The following RACGAP1 variants were observed in gnomAD, a reference collection of about 807,000 sequenced individuals.
RACGAP1 encodes the protein rac GTPase-activating protein 1.
RACGAP1 carries 30 observed loss-of-function variants against 78.1 expected under a neutral mutation model. The ratio of observed to expected loss-of-function variants is 0.38; its 90% CI spans 0.29 to 0.52. The LOEUF is 0.52. Among genes scored for constraint, RACGAP1 ranks in the 20% least tolerant of loss-of-function variants. The pLI, the probability that RACGAP1 is intolerant of heterozygous loss-of-function variation, is 0.82. For synonymous variants in RACGAP1, 231 were observed against 264.8 expected, an observed-to-expected ratio of 0.87 and a Z score of 1.24; for missense variants, 587 against 777.1, an observed-to-expected ratio of 0.76 and a Z score of 2.91.
chr12:50,020,932 A>G (rs1300024337), intron 1 of RACGAP1: 1 of 175,638 alleles, frequency 5.7e-6, no homozygotes, highest in Non-Finnish European at 1.1e-5. Context: ...AGGGGACCAT[A>G]TATTTTTATT....
chr12:49,991,913 C>A, intron 15 of RACGAP1, 85 bp downstream of exon 15: 1 of 1,550,236 alleles, frequency 6.5e-7, no homozygotes, highest in East Asian at 2.3e-5. Flanking sequence ...AATTTTCAAA[C>A]AGCTCTAGCA....
At chr12:50,031,209 G>T (rs1330211460) in intron 2 of RACGAP1, among the ~76,000 whole-genome samples, 3 of 151,616 alleles carry the variant, frequency 2.0e-5, no homozygotes, top group Non-Finnish European at 4.4e-5. Flanking sequence ...GTGCGCGGTG[G>T]CTCACACCTG....
Position 50,016,640 on chromosome 12 carries a change from T to G in RACGAP1, c.76A>C (p.Asn26His), listed in dbSNP as rs1164573098. 2 of 1,613,718 alleles carry G rather than the reference T, an allele frequency of 1.2e-6. No individual in the cohort carries two copies. The highest frequency in any genetic ancestry group is 1.7e-6 in the Non-Finnish European group (2 of 1,179,894). ...GCTCAGAATGACTTACGGACTTCAT[T>G]TCCTTCACTGAGAATCTCCACCCGG... ...VRRVEILSEGNEVQFIQLAKD... is the reference protein window; with the variant it reads ...VRRVEILSEGHEVQFIQLAKD... The change falls in exon 2 of 17, where the codon AAT becomes CAT. Residue 26 changes from asparagine to histidine, a missense_variant. Transcript: ENST00000312377.
Position 49,999,263 on chromosome 12 carries a change from G to C in RACGAP1, c.757C>G (p.Gln253Glu). ...AGGGTGGAGTCACTGTTCCAAGGTT[G>C]TAAAGTACCTAGAAAACAAGCAACT... is the stretch of plus-strand genomic sequence containing the variant. ...TRSRRKTGTLQPWNSDSTLNS... is the reference protein window; with the variant it reads ...TRSRRKTGTLEPWNSDSTLNS... The change falls in exon 9 of 17, where the codon CAA becomes GAA. Residue 253 changes from glutamine to glutamate, a missense_variant. Gln to Glu is a conservative substitution (Grantham distance 29). Coordinates refer to ENST00000312377, the MANE Select transcript of RACGAP1 (RefSeq NM_001319999.2). 6.2e-7 allele frequency: 1 copy of C among 1,603,652 alleles called. No individual in the cohort carries two copies. The highest frequency in any genetic ancestry group is 8.5e-7 in the Non-Finnish European group (1 of 1,177,520).
At chr12:50,009,901 A>G (rs1422144976) in intron 2 of RACGAP1, among the ~76,000 whole-genome samples, 1 of 152,222 alleles carries the variant, frequency 6.6e-6, no homozygotes. Flanking sequence ...TCAGTTTGCT[A>G]CACACTAAAT....
chr12:49,994,484 T>C lies in RACGAP1; in HGVS notation c.1070A>G (p.Gln357Arg). 1 of 1,613,790 alleles carries C rather than the reference T, an allele frequency of 6.2e-7. No individual in the cohort carries two copies. The highest frequency in any genetic ancestry group is 8.5e-7 in the Non-Finnish European group (1 of 1,179,958). Reference sequence around the variant, plus strand: ...AATGGAGGGGATCATTGGAGAAGTCTGGGACACAAAGTCTGCCAGCATTCC... The same window carrying C: ...AATGGAGGGGATCATTGGAGAAGTCCGGGACACAAAGTCTGCCAGCATTCC... ...GEGMLADFVSQTSPMIPSIVV... is the reference protein window; with the variant it reads ...GEGMLADFVSRTSPMIPSIVV... The change falls in exon 11 of 17, where the codon CAG becomes CGG. Residue 357 changes from glutamine (Q) to arginine (R), a missense_variant. Coordinates refer to ENST00000312377, the MANE Select transcript of RACGAP1 (RefSeq NM_001319999.2).
rs963235636 is a variant in RACGAP1, at chr12:50,016,912, A to C, written c.-4-193T>G. The C allele has an allele frequency of 5.2e-6, 7 of 1,340,388 alleles. No individual in the cohort carries two copies. In the African/African-American group the frequency reaches 1.1e-4, roughly 20 times the overall value. The allele number at this position is 1,340,388 out of a possible 1,614,324, so 83.0% of individuals were successfully genotyped here. A position where few individuals can be genotyped will look rare whatever the true frequency, so the allele number is the denominator to read the frequency against. On this transcript the variant is annotated intron_variant, in intron 1 of 16. Coordinates refer to ENST00000312377, the MANE Select transcript of RACGAP1 (RefSeq NM_001319999.2). The stretch of plus-strand genomic sequence containing the variant: ...AACAAACTTGGAATGTTTAAGACTC[A>C]TCTGAAAATTAGAAAACCATTTCAG...
At chr12:50,022,538 C>T (rs1435199558) in intron 1 of RACGAP1, among the ~76,000 whole-genome samples, 3 of 152,002 alleles carry the variant, frequency 2.0e-5, no homozygotes. Flanking sequence ...CCCAAGATGG[C>T]GCCATTGCAC....
At chr12:50,008,706 T>C (rs1019614983) in intron 2 of RACGAP1, among the ~76,000 whole-genome samples, 4 of 152,062 alleles carry the variant, frequency 2.6e-5, no homozygotes, top group Non-Finnish European at 4.4e-5. Context: ...TTGGCTAGGC[T>C]GGTCTCAAAC....
At position 49,997,110 on chromosome 12, in the gene RACGAP1, G is replaced by C. The variant is rs1948345769; in HGVS notation, c.974C>G (p.Pro325Arg). The change falls in exon 10 of 17, where the codon CCA (proline) becomes CGA (arginine). Residue 325 changes from proline to arginine, a missense_variant. Coordinates refer to ENST00000312377, the MANE Select transcript of RACGAP1 (RefSeq NM_001319999.2). ...KCRDCRVVSH[P>R]ECRDRCPLPC... ...AAGGGGACAGCGGTCCCGACATTCT[G>C]GATGAGAGACCACACGACAGTCTCG... 1 of 1,609,840 alleles carries C rather than the reference G, an allele frequency of 6.2e-7. No homozygotes were observed. Among genetic ancestry groups the C allele is most frequent in the South Asian group, 1.1e-5 (1 of 90,806 alleles).
upstream of RACGAP1, among the ~76,000 whole-genome samples, chr12:50,027,486 A>C: frequency 6.6e-6 from 1 of 152,174 alleles, no homozygotes; most frequent in Non-Finnish European, 1.5e-5. Context: ...AATTACTGGC[A>C]ATAGGAAGAT....
intron 9 of RACGAP1, among the ~76,000 whole-genome samples, chr12:49,998,358 C>G (rs1344001745): frequency 6.6e-6 from 1 of 151,130 alleles, no homozygotes; most frequent in Non-Finnish European, 1.5e-5. Flanking sequence ...GAGCCGAAAT[C>G]GCACCACTGC....
chr12:50,018,224 C>A (rs578148671), intron 1 of RACGAP1, among the ~76,000 whole-genome samples: 1 of 150,296 alleles, frequency 6.7e-6, no homozygotes, highest in Non-Finnish European at 1.5e-5. Context: ...CAGAATTATA[C>A]ATTTATACTC....
chr12:50,001,328 A>T, intron 6 of RACGAP1, 76 bp from the exon 7 acceptor site: 2 of 1,228,894 alleles, frequency 1.6e-6, no homozygotes, highest in East Asian at 4.8e-5. Context: ...ATTCCATCAA[A>T]CAACTTGGAT....
At chr12:49,990,495 G>A (rs1947761701) in intron 16 of RACGAP1, 152 bp from the exon 17 acceptor site, 2 of 820,256 alleles carry the variant, frequency 2.4e-6, no homozygotes, top group Non-Finnish European at 1.9e-6. Flanking sequence ...CACCAACAAC[G>A]AGAGAGGGGA....
intron 5 of RACGAP1, 61 bp downstream of exon 5, chr12:50,004,174 T>G: frequency 8.3e-6 from 13 of 1,567,996 alleles, no homozygotes; most frequent in Non-Finnish European, 1.1e-5. Flanking sequence ...ACAGGAGAGA[T>G]ATTCCTGGGG....
intron 2 of RACGAP1, among the ~76,000 whole-genome samples, chr12:50,010,935 C>CAA (rs5798122): frequency 4.2e-4 from 63 of 148,252 alleles, no homozygotes; most frequent in Admixed American, 1.1e-3. Flanking sequence ...AATTCTGTCT[C>CAA]AAAAAAAAAA....
At chr12:49,998,198 T>C (rs936221617) in intron 9 of RACGAP1, among the ~76,000 whole-genome samples, 3 of 151,186 alleles carry the variant, frequency 2.0e-5, no homozygotes, top group African/African-American at 7.3e-5. Context: ...AGGTCAGTAG[T>C]TTGAGACCAG....
In RACGAP1 at chr12:49,992,569, G is replaced by C. The variant is rs753379878; in HGVS notation, c.1426C>G (p.Leu476Val). 31 of 1,613,816 alleles carry C rather than the reference G, an allele frequency of 1.9e-5. No homozygotes were observed. Among genetic ancestry groups the C allele is most frequent in the Non-Finnish European group, 2.2e-5 (26 of 1,179,950 alleles). ...ACTCACCTCTGCAAGTGAATCATGA[G>C]GAAAGCTAATGTGTCCCTGTTGGCC... ...PQANRDTLAF[L>V]MIHLQRVAQS... Residue 476 changes from leucine to valine, a missense_variant, in exon 13 of 17, where the codon CTC becomes GTC. Transcript: ENST00000312377.
Sources: allele counts gnomAD v4.1 joint callset (sites outside exome capture counted in the v4.1 genomes callset), GRCh38; gene constraint gnomAD v4.1.1; transcripts MANE v1.5; gene names NCBI Gene and HGNC (gene_info 2026-07-23, HGNC 2026-07-21).